FTO: variants seen among roughly 807,000 people sequenced by gnomAD.
The protein encoded by FTO is FTO alpha-ketoglutarate dependent dioxygenase.
Under a neutral mutation model 63.9 loss-of-function variants are expected in FTO, and 47 were observed. The observed-to-expected ratio is 0.74, with a 90% CI of 0.58 to 0.94. The LOEUF is 0.94. FTO is among the 40% of genes least tolerant of loss of function. The pLI, the probability that FTO is intolerant of heterozygous loss-of-function variation, is 0.00. For missense variants in FTO, 562 were observed against 618.1 expected (o/e 0.91, Z 0.96); for synonymous variants, 207 against 224.4 (o/e 0.92, Z 0.69).
chr16:53,704,655 G>T (rs1037659537), intron 1 of FTO, among the ~76,000 whole-genome samples: 6 of 152,098 alleles, frequency 3.9e-5, no homozygotes, highest in African/African-American at 1.4e-4. Context: ...CTCCGTGACC[G>T]GCTGATAACA....
intron 8 of FTO, among the ~76,000 whole-genome samples, chr16:53,960,795 G>C (rs767738667): frequency 2.6e-5 from 4 of 152,016 alleles, no homozygotes; most frequent in Non-Finnish European, 4.4e-5. Flanking sequence ...CCCAGATCCA[G>C]AGCAAAGACA....
chr16:54,015,837 A>G (rs1386881769), intron 8 of FTO, among the ~76,000 whole-genome samples: 3 of 152,222 alleles, frequency 2.0e-5, no homozygotes, highest in Admixed American at 2.0e-4. Context: ...GACAGCCTCC[A>G]GCAAACACAG....
chr16:53,807,671 ATG>A (rs1300839742), intron 1 of FTO, among the ~76,000 whole-genome samples: 3 of 152,178 alleles, frequency 2.0e-5, no homozygotes, highest in African/African-American at 7.2e-5. Flanking sequence ...GGTTTGAGAA[ATG>A]TGTGTTTGAA....
chr16:53,846,793 C>T (rs2079633303), intron 4 of FTO, among the ~76,000 whole-genome samples: 1 of 127,586 alleles, frequency 7.8e-6, no homozygotes, highest in African/African-American at 3.0e-5. Flanking sequence ...CAGAGCAAGA[C>T]TCAGTCTCAA....
chr16:53,966,147 T>C (rs1221707424), intron 8 of FTO, among the ~76,000 whole-genome samples: 3 of 152,188 alleles, frequency 2.0e-5, no homozygotes, highest in Non-Finnish European at 4.4e-5. Context: ...GGATTACAGG[T>C]GTGAGCCACC....
chr16:53,928,912 C>T (rs1036106035), intron 7 of FTO, among the ~76,000 whole-genome samples: 2 of 151,942 alleles, frequency 1.3e-5, no homozygotes, highest in African/African-American at 4.8e-5. Flanking sequence ...GGCATGATCC[C>T]GGCTCACTAC....
At chr16:53,886,389 T>G (rs553869612) in intron 6 of FTO, among the ~76,000 whole-genome samples, 3 of 152,366 alleles carry the variant, frequency 2.0e-5, no homozygotes, top group Admixed American at 2.0e-4. Flanking sequence ...GCTTGATGTT[T>G]TGCTAACAGG....
intron 3 of FTO, among the ~76,000 whole-genome samples, chr16:53,843,351 TCTTA>T (rs1189028343): frequency 1.1e-4 from 16 of 152,356 alleles, no homozygotes; most frequent in South Asian, 1.0e-3. Flanking sequence ...TTTACTGTAC[TCTTA>T]CTAACACTGT....
At chr16:54,025,727 A>AG (rs1197671069) in intron 8 of FTO, among the ~76,000 whole-genome samples, 2 of 149,546 alleles carry the variant, frequency 1.3e-5, no homozygotes, top group African/African-American at 5.0e-5. Flanking sequence ...TCAAAAAAAA[A>AG]GGTGGCTGGG....
At chr16:53,796,459 T>G (rs1360557437) in intron 1 of FTO, among the ~76,000 whole-genome samples, 2 of 152,130 alleles carry the variant, frequency 1.3e-5, no homozygotes, top group African/African-American at 4.8e-5. Flanking sequence ...AAAATGAATA[T>G]AAAGCTAAAA....
At chr16:53,877,662 A>C (rs1265622219) in intron 5 of FTO, among the ~76,000 whole-genome samples, 1 of 152,140 alleles carries the variant, frequency 6.6e-6, no homozygotes, top group Non-Finnish European at 1.5e-5. Context: ...TATACGAAAC[A>C]ACATTGCATT....
intron 1 of FTO, among the ~76,000 whole-genome samples, chr16:53,790,519 C>A (rs1454599559): frequency 6.8e-6 from 1 of 146,808 alleles, no homozygotes; most frequent in African/African-American, 2.5e-5. Flanking sequence ...GAGTTTGAGA[C>A]CAGCCTGGGC....
At chr16:53,904,211 G>T (rs921176251) in intron 7 of FTO, among the ~76,000 whole-genome samples, 1 of 152,184 alleles carries the variant, frequency 6.6e-6, no homozygotes, top group African/African-American at 2.4e-5. Flanking sequence ...GTGAAAAATG[G>T]TGCCCCATTT....
chr16:53,943,249 CAACTT>C (rs1391286848), intron 8 of FTO, among the ~76,000 whole-genome samples: 1 of 152,154 alleles, frequency 6.6e-6, no homozygotes, highest in Non-Finnish European at 1.5e-5. Context: ...CAAGATACAG[CAACTT>C]ATCTTAAGGA....
intron 4 of FTO, among the ~76,000 whole-genome samples, chr16:53,871,386 T>C (rs1045167919): frequency 2.0e-5 from 3 of 152,172 alleles, no homozygotes; most frequent in Admixed American, 6.5e-5. Context: ...GTTTTTATTT[T>C]TCATGTGTTC....
At chr16:53,751,286 G>A (rs780919431) in intron 1 of FTO, among the ~76,000 whole-genome samples, 1 of 151,954 alleles carries the variant, frequency 6.6e-6, no homozygotes, top group Non-Finnish European at 1.5e-5. Flanking sequence ...GTGAAACCCC[G>A]TCTCTACTAA....
chr16:53,818,492 A>C (rs1001170566), intron 2 of FTO, among the ~76,000 whole-genome samples: 1 of 152,102 alleles, frequency 6.6e-6, no homozygotes. Flanking sequence ...GAATTTTTTT[A>C]GTGCAGCATC....
Position 54,114,890 on chromosome 16 carries a change from C to T in FTO, c.*2975C>T, listed in dbSNP as rs62034144. ...CTGCACTCCAGCCTGGGCCACGGAG[C>T]GAGAGAAGAAAGAAATGGTGACTTT... is the stretch of plus-strand genomic sequence containing the variant. On this transcript the variant is annotated 3_prime_UTR_variant, in exon 9 of 9. Transcript: ENST00000471389. 59,588 of 152,154 alleles carry T rather than the reference C, an allele frequency of 0.39. 11,900 individuals are homozygous for T. Among genetic ancestry groups the T allele is most frequent in the East Asian group, 0.49 (2,510 of 5,136 alleles). The allele number at this position is 152,154 out of a possible 1,614,324, so 9.4% of individuals were successfully genotyped here.
In FTO at chr16:53,872,525, T is replaced by G. The variant is rs182422091; in HGVS notation, c.896-1261T>G. ...TCCATGGAGTAAGTTAGGGCAATTG[T>G]AGGCATCTCTCACCTATTTTGTTTC... On this transcript the variant is annotated intron_variant, in intron 4 of 8. Coordinates refer to ENST00000471389, the MANE Select transcript of FTO (RefSeq NM_001080432.3). Among the ~76,000 whole-genome samples the G allele has an allele frequency of 1.7e-3, 266 of 152,354 alleles. 2 individuals are homozygous for G. The highest frequency in any genetic ancestry group is 0.01 in the Middle Eastern group (3 of 294).
Sources: gnomAD v4.1 joint callset for allele counts (sites outside exome capture counted in the v4.1 genomes callset) on GRCh38, gnomAD v4.1.1 for gene constraint, MANE v1.5 for transcripts, NCBI Gene and HGNC (gene_info 2026-07-23, HGNC 2026-07-21) for gene names.